The following FKBP14 variants were observed in gnomAD, a reference collection of about 807,000 sequenced individuals.
The protein encoded by FKBP14 is FKBP prolyl isomerase 14, also known as peptidyl-prolyl cis-trans isomerase FKBP14.
FKBP14 carries 20 observed loss-of-function variants against 21.6 expected under a neutral mutation model. The observed-to-expected ratio is 0.92, with a 90% CI of 0.65 to 1.34. FKBP14 has a LOEUF of 1.34. Among genes scored for constraint, FKBP14 ranks in the 40% most tolerant of loss-of-function variants. The pLI, the probability that FKBP14 is intolerant of heterozygous loss-of-function variation, is 0.00. For synonymous variants in FKBP14, 79 were observed against 86.7 expected (o/e 0.91, Z 0.49); for missense variants, 253 against 249.0 (o/e 1.02, Z -0.11).
In FKBP14 at chr7:30,019,271, A is replaced by G. The variant is rs1443641189; in HGVS notation, c.350-148T>C. Reference sequence around the variant, plus strand: ...ATATGATGAAAATTATGTATATTATATTTTACTCGAATAGAATAGAGTAAA... The same window carrying G: ...ATATGATGAAAATTATGTATATTATGTTTTACTCGAATAGAATAGAGTAAA... On this transcript the variant is annotated intron_variant, in intron 2 of 3. Coordinates refer to ENST00000222803, the MANE Select transcript of FKBP14 (RefSeq NM_017946.4). 3 of 710,136 alleles carry G rather than the reference A, an allele frequency of 4.2e-6. No homozygotes were observed. In the African/African-American group the frequency reaches 5.7e-5, roughly 13 times the overall value. The allele number at this position is 710,136 out of a possible 1,614,324, so 44.0% of individuals were successfully genotyped here. A position where few individuals can be genotyped will look rare whatever the true frequency, so the allele number is the denominator to read the frequency against.
At chr7:30,018,777 C>G (rs1045322115) in intron 3 of FKBP14, among the ~76,000 whole-genome samples, 28 of 152,178 alleles carry the variant, frequency 1.8e-4, no homozygotes, top group African/African-American at 6.3e-4. Flanking sequence ...CTTTTTAAGT[C>G]TTAATATATT....
downstream of FKBP14, among the ~76,000 whole-genome samples, chr7:30,006,276 G>C (rs183220536): frequency 1.3e-5 from 2 of 151,846 alleles, no homozygotes; most frequent in Admixed American, 6.6e-5. Context: ...CATACACCAT[G>C]ATGCCTGACT....
chr7:30,021,815 A>G, intron 2 of FKBP14, among the ~76,000 whole-genome samples: 1 of 152,184 alleles, frequency 6.6e-6, no homozygotes, highest in South Asian at 2.1e-4. Flanking sequence ...TTGGCCTCCC[A>G]AAGTGCTGGG....
intron 2 of FKBP14, among the ~76,000 whole-genome samples, chr7:30,021,303 A>G (rs995944815): frequency 6.6e-6 from 1 of 151,998 alleles, no homozygotes; most frequent in Admixed American, 6.6e-5. Context: ...TTTATTTTCT[A>G]CTTTTATATA....
At chr7:30,015,711 C>T (rs1220238875) in intron 3 of FKBP14, among the ~76,000 whole-genome samples, 3 of 145,384 alleles carry the variant, frequency 2.1e-5, no homozygotes, top group East Asian at 2.1e-4. Context: ...CTGCAAGCTC[C>T]GCCTCCCGGG....
chr7:30,021,304 C>T (rs1790025342), intron 2 of FKBP14, among the ~76,000 whole-genome samples: 1 of 151,964 alleles, frequency 6.6e-6, no homozygotes, highest in African/African-American at 2.4e-5. Context: ...TTATTTTCTA[C>T]TTTTATATAT....
At chr7:30,019,436 T>TA (rs1363861582) in intron 2 of FKBP14, among the ~76,000 whole-genome samples, 2 of 152,096 alleles carry the variant, frequency 1.3e-5, no homozygotes, top group Admixed American at 1.3e-4. Flanking sequence ...CTAATATAAT[T>TA]AATATATTAC....
intron 1 of FKBP14, among the ~76,000 whole-genome samples, chr7:30,023,884 C>T (rs1790102427): frequency 6.6e-6 from 1 of 152,150 alleles, no homozygotes; most frequent in African/African-American, 2.4e-5. Flanking sequence ...CCTTCCACAA[C>T]ATGTGGGGAT....
intron 1 of FKBP14, 48 bp from the exon 2 acceptor site, chr7:30,022,864 A>G (rs770910749): frequency 6.4e-7 from 1 of 1,555,212 alleles, no homozygotes; most frequent in South Asian, 1.2e-5. Flanking sequence ...ACTCTAAAAA[A>G]TTTTCTTTAG....
chr7:30,019,483 T>C (rs1356888586), intron 2 of FKBP14, among the ~76,000 whole-genome samples: 2 of 152,150 alleles, frequency 1.3e-5, no homozygotes, highest in Non-Finnish European at 1.5e-5. Context: ...GGGTTTTAGA[T>C]AATTCGGAGT....
At position 30,012,590 on chromosome 7, in the gene FKBP14, C is replaced by G. The variant is rs948705826; in HGVS notation, c.*2145G>C. On this transcript the variant is annotated 3_prime_UTR_variant, in exon 4 of 4. Coordinates refer to ENST00000222803, the MANE Select transcript of FKBP14 (RefSeq NM_017946.4). ...ACTGAGGAAAATGTCAACATATAAT[C>G]AGTGAAAGTGGTCTACATATGATGT... is the stretch of plus-strand genomic sequence containing the variant. 6.6e-6 allele frequency: 1 copy of G among 152,164 alleles called. No homozygotes were observed. Among genetic ancestry groups the G allele is most frequent in the Non-Finnish European group, 1.5e-5 (1 of 68,028 alleles). The allele number at this position is 152,164 out of a possible 1,614,324, so 9.4% of individuals were successfully genotyped here.
intron 3 of FKBP14, among the ~76,000 whole-genome samples, chr7:30,015,422 ATAAAAAAT>A (rs928740603): frequency 3.3e-5 from 5 of 150,690 alleles, no homozygotes; most frequent in African/African-American, 9.8e-5. Context: ...TGTCAAAAAA[ATAAAAAAT>A]TAAAAAATTA....
intron 2 of FKBP14, chr7:30,020,183 A>G: frequency 1.8e-6 from 2 of 1,097,584 alleles, no homozygotes. Flanking sequence ...AATTCCAAAG[A>G]GAAGACTTAT....
intron 3 of FKBP14, among the ~76,000 whole-genome samples, chr7:30,018,405 T>C (rs961739309): frequency 2.0e-5 from 3 of 152,242 alleles, no homozygotes; most frequent in African/African-American, 7.2e-5. Context: ...GGCCGAATTA[T>C]AAGGAGAAGC....
At position 30,026,586 on chromosome 7, in the gene FKBP14, A is replaced by T. The variant is rs1790187557; in HGVS notation, c.-78T>A. 7.2e-7 allele frequency: 1 copy of T among 1,386,280 alleles called. No homozygotes were observed. 85.9% of individuals were successfully genotyped at this position (1,386,280 alleles called of 1,614,324 possible). ...CTTCATAGATTTAAGAACGTAGTTC[A>T]AGGCTTACGGACAAGGGCTTCAGAC... On this transcript the variant is annotated 5_prime_UTR_variant, in exon 1 of 4. Transcript: ENST00000222803.
Position 30,020,649 on chromosome 7 carries a change from A to G in FKBP14, c.350-1526T>C, listed in dbSNP as rs1420384215. Among the ~76,000 whole-genome samples, 6 of 152,338 alleles carry G rather than the reference A, an allele frequency of 3.9e-5. 1 individual carries two copies. The highest frequency in any genetic ancestry group is 4.4e-5 in the Non-Finnish European group (3 of 67,996). On this transcript the variant is annotated intron_variant, in intron 2 of 3. Transcript: ENST00000222803. The stretch of plus-strand genomic sequence containing the variant: ...ACAACAACATATCATAATAAAAGTT[A>G]TATGAATGCAATCTGTCTCTCATTC...
intron 3 of FKBP14, 84 bp from the exon 4 acceptor site, chr7:30,014,977 A>G (rs1015853852): frequency 4.8e-6 from 4 of 838,208 alleles, no homozygotes; most frequent in South Asian, 2.6e-5. Flanking sequence ...ATGGACTGTT[A>G]TTATATTTAG....
Sources: gnomAD v4.1 joint callset for allele counts (sites outside exome capture counted in the v4.1 genomes callset) on GRCh38, gnomAD v4.1.1 for gene constraint, MANE v1.5 for transcripts, NCBI Gene and HGNC (gene_info 2026-07-23, HGNC 2026-07-21) for gene names.